The following PCDHA12 variants were observed in gnomAD, a reference collection of about 807,000 sequenced individuals.
PCDHA12 encodes the protein protocadherin alpha 12.
PCDHA12 carries 44 observed loss-of-function variants against 60.0 expected under a neutral mutation model. That is an observed-to-expected ratio of 0.73 (90% CI 0.58 to 0.94). The LOEUF (loss-of-function observed/expected upper bound fraction) is 0.94, where lower values mean the gene tolerates loss of function less well. PCDHA12 is among the 40% of genes least tolerant of loss of function. The probability of loss-of-function intolerance (pLI) is 0.00; values close to 1 mark genes in which losing one functional copy is unlikely to be tolerated. For synonymous variants in PCDHA12, 569 were observed against 553.0 expected (o/e 1.03, Z -0.40); for missense variants, 1,276 against 1,239.7 (o/e 1.03, Z -0.44).
At chr5:140,985,783 A>G (rs1587112463) in intron 3 of PCDHA12, among the ~76,000 whole-genome samples, 1 of 125,324 alleles carries the variant, frequency 8.0e-6, no homozygotes, top group Non-Finnish European at 1.6e-5. Context: ...TCTGTCGCCC[A>G]GGCTGGAGTG....
At position 140,876,048 on chromosome 5, in the gene PCDHA12, T is replaced by C. The variant is rs376201695; in HGVS notation, c.576T>C (p.Pro192=). The C allele has an allele frequency of 6.2e-7, 1 of 1,613,930 alleles. No homozygotes were observed. Residue 192 remains proline (P), a synonymous_variant, in exon 1 of 4, where the codon CCT becomes CCC. Coordinates refer to ENST00000398631, the MANE Select transcript of PCDHA12 (RefSeq NM_018903.4). ...IKTKKDKSIL[P]ELVLRKLLDR... ...CAAAAAAAGATAAAAGTATATTGCCTGAATTAGTTCTTCGGAAGTTATTGG... is the reference window on the plus strand; with the variant it reads ...CAAAAAAAGATAAAAGTATATTGCCCGAATTAGTTCTTCGGAAGTTATTGG...
intron 1 of PCDHA12, among the ~76,000 whole-genome samples, chr5:140,905,747 C>T (rs2072054792): frequency 2.0e-5 from 3 of 152,156 alleles, no homozygotes; most frequent in South Asian, 2.1e-4. Context: ...AGAGATCTTT[C>T]ACCTCCTTGG....
At chr5:140,966,845 C>A in intron 1 of PCDHA12, 1 of 1,570,444 alleles carries the variant, frequency 6.4e-7, no homozygotes, top group Non-Finnish European at 8.6e-7. Flanking sequence ...GCTGCTACTG[C>A]CTCTCCTGCT....
intron 1 of PCDHA12, among the ~76,000 whole-genome samples, chr5:140,916,217 A>T (rs1050976167): frequency 6.6e-6 from 1 of 152,132 alleles, no homozygotes; most frequent in Non-Finnish European, 1.5e-5. Context: ...GGAAGATCCA[A>T]ATATGCTTTC....
chr5:140,952,303 AC>A (rs1554220328), intron 1 of PCDHA12, among the ~76,000 whole-genome samples: 1 of 147,998 alleles, frequency 6.8e-6, no homozygotes, highest in African/African-American at 2.5e-5. Flanking sequence ...CAGCCATTTC[AC>A]TCCAGCCTGG....
chr5:140,973,078 C>T (rs111586419), intron 1 of PCDHA12, among the ~76,000 whole-genome samples: 5,544 of 152,208 alleles, frequency 0.036, 303 homozygotes, highest in African/African-American at 0.12. Context: ...GTGGGCCCAG[C>T]TGGCACAACA....
chr5:140,935,894 C>CTTT lies in PCDHA12; in HGVS notation c.2368-43041_2368-43039dup, dbSNP rs55841305. Among the ~76,000 whole-genome samples, 1,154 of 136,734 alleles carry CTTT rather than the reference C, an allele frequency of 8.4e-3. 14 individuals carry two copies. Among genetic ancestry groups the CTTT allele is most frequent in the East Asian group, 0.025 (118 of 4,726 alleles). 89.7% of individuals were successfully genotyped at this position (136,734 alleles called of 152,430 possible). On this transcript the variant is annotated intron_variant, in intron 1 of 3. Coordinates refer to ENST00000398631, the MANE Select transcript of PCDHA12 (RefSeq NM_018903.4). ...ATGAGCTCCAATTTATCAATATTAT[C>CTTT]TTTTTTTTTTTTTTTTGAGACAGAT...
intron 1 of PCDHA12, among the ~76,000 whole-genome samples, chr5:140,945,166 T>C (rs145739178): frequency 2.6e-5 from 4 of 152,112 alleles, no homozygotes; most frequent in African/African-American, 9.6e-5. Context: ...TTGAACTATC[T>C]GAAAAATAAA....
chr5:140,933,900 G>T (rs941556210), intron 1 of PCDHA12, among the ~76,000 whole-genome samples: 1 of 151,518 alleles, frequency 6.6e-6, no homozygotes, highest in South Asian at 2.1e-4. Flanking sequence ...GAATATTTTG[G>T]CATAAAGTTG....
intron 1 of PCDHA12, among the ~76,000 whole-genome samples, chr5:140,922,935 G>A (rs1484457119): frequency 6.6e-6 from 1 of 152,130 alleles, no homozygotes; most frequent in Non-Finnish European, 1.5e-5. Flanking sequence ...TTTACTTCCA[G>A]CAATGGAAAT....
chr5:140,889,086 A>G (rs1418981044), intron 1 of PCDHA12, among the ~76,000 whole-genome samples: 1 of 151,926 alleles, frequency 6.6e-6, no homozygotes, highest in Non-Finnish European at 1.5e-5. Flanking sequence ...TTAAATTTTC[A>G]AAACAATTTT....
intron 3 of PCDHA12, among the ~76,000 whole-genome samples, chr5:140,986,776 C>T (rs916981139): frequency 2.6e-5 from 4 of 152,098 alleles, no homozygotes; most frequent in Non-Finnish European, 4.4e-5. Flanking sequence ...AATTAGGTAG[C>T]GGAAGCCACT....
chr5:140,954,225 A>G (rs1554221300), intron 1 of PCDHA12, among the ~76,000 whole-genome samples: 1 of 152,242 alleles, frequency 6.6e-6, no homozygotes, highest in Admixed American at 6.5e-5. Context: ...TGCTATTGTG[A>G]ATAGTGCTGC....
At position 140,967,577 on chromosome 5, in the gene PCDHA12, C is replaced by T. The variant is rs141338011; in HGVS notation, c.2368-11372C>T. Reference sequence around the variant, plus strand: ...TCGCGTCCAGCTACGGGAGGACTCACCCCCAGGCACATTGGTGGTGAAGCT... The same window carrying T: ...TCGCGTCCAGCTACGGGAGGACTCATCCCCAGGCACATTGGTGGTGAAGCT... On this transcript the variant is annotated intron_variant, in intron 1 of 3. Transcript: ENST00000398631. 11 of 1,614,016 alleles carry T rather than the reference C, an allele frequency of 6.8e-6. No homozygotes were observed. Among genetic ancestry groups the T allele is most frequent in the African/African-American group, 4.0e-5 (3 of 74,938 alleles).
At chr5:140,912,164 C>G (rs1554195175) in intron 1 of PCDHA12, among the ~76,000 whole-genome samples, 1 of 152,158 alleles carries the variant, frequency 6.6e-6, no homozygotes, top group Non-Finnish European at 1.5e-5. Flanking sequence ...TTTATTCTGG[C>G]TGTGCTGGCA....
chr5:140,966,984 G>C lies in PCDHA12; in HGVS notation c.2368-11965G>C, dbSNP rs1217682338. ...CTGGGGCTTGAGCTGCGGCGCTTGGGGCCGGGTTGCTTGCGCATCAACCAT... is the reference window on the plus strand; with the variant it reads ...CTGGGGCTTGAGCTGCGGCGCTTGGCGCCGGGTTGCTTGCGCATCAACCAT... On this transcript the variant is annotated intron_variant, in intron 1 of 3. Transcript: ENST00000398631. 21 of 1,603,802 alleles carry C rather than the reference G, an allele frequency of 1.3e-5. No homozygotes were observed. The East Asian group carries it at 4.5e-4, about 34-fold the overall frequency.
chr5:140,975,514 C>T (rs549258421), intron 1 of PCDHA12, among the ~76,000 whole-genome samples: 2 of 152,304 alleles, frequency 1.3e-5, no homozygotes, highest in African/African-American at 4.8e-5. Flanking sequence ...TATGCAAAAT[C>T]TGCAGTGGAT....
intron 1 of PCDHA12, chr5:140,884,394 G>A (rs2060142596): frequency 3.7e-6 from 6 of 1,613,880 alleles, no homozygotes; most frequent in East Asian, 2.2e-5. Flanking sequence ...GCGGTGTCCA[G>A]CCTGTTGGTG....
At position 140,967,566 on chromosome 5, in the gene PCDHA12, G is replaced by T. The variant is rs1586227015; in HGVS notation, c.2368-11383G>T. The stretch of plus-strand genomic sequence containing the variant: ...CAGTCCACTTATCGCGTCCAGCTAC[G>T]GGAGGACTCACCCCCAGGCACATTG... On this transcript the variant is annotated intron_variant, in intron 1 of 3. Coordinates refer to ENST00000398631, the MANE Select transcript of PCDHA12 (RefSeq NM_018903.4). 6 of 1,614,060 alleles carry T rather than the reference G, an allele frequency of 3.7e-6. No homozygotes were observed. In the East Asian group the frequency reaches 1.3e-4, roughly 36 times the overall value.
Sources: allele counts gnomAD v4.1 joint callset (sites outside exome capture counted in the v4.1 genomes callset), GRCh38; gene constraint gnomAD v4.1.1; transcripts MANE v1.5; gene names NCBI Gene and HGNC (gene_info 2026-07-23, HGNC 2026-07-21).